CDC42BPB: variants seen among roughly 807,000 people sequenced by gnomAD.
CDC42BPB encodes serine/threonine-protein kinase MRCK beta.
CDC42BPB carries 37 observed loss-of-function variants against 214.9 expected under a neutral mutation model. The observed-to-expected ratio is 0.17, with a 90% CI of 0.13 to 0.23. The LOEUF is 0.23. CDC42BPB is among the 10% of genes least tolerant of loss of function. The pLI, the probability that CDC42BPB is intolerant of heterozygous loss-of-function variation, is 1.00. For synonymous variants in CDC42BPB, 931 were observed against 884.0 expected (o/e 1.05, Z -0.94); for missense variants, 1,694 against 2,227.0 (o/e 0.76, Z 4.82).
rs1430635208 is a variant in CDC42BPB at position 102,932,878 on chromosome 14, G to GGC, written c.*833_*834insGC. 7.6e-6 allele frequency: 1 copy of GGC among 131,148 alleles called. No individual in the cohort carries two copies. Among genetic ancestry groups the GGC allele is most frequent in the African/African-American group, 2.9e-5 (1 of 33,976 alleles). The allele number at this position is 131,148 out of a possible 1,614,324, so 8.1% of individuals were successfully genotyped here. A position where few individuals can be genotyped will look rare whatever the true frequency, so the allele number is the denominator to read the frequency against. ...CTCCATGCGGGGGCAGGACTGGTGG[G>GGC]GGGGGGGGCGGGCAGGGCGGGGCGG... On this transcript the variant is annotated 3_prime_UTR_variant, in exon 37 of 37. Transcript: ENST00000361246.
At chr14:103,047,579 A>T (rs750776753) in intron 1 of CDC42BPB, among the ~76,000 whole-genome samples, 2 of 152,184 alleles carry the variant, frequency 1.3e-5, no homozygotes, top group Non-Finnish European at 2.9e-5. Flanking sequence ...TTCTGTACGC[A>T]GGCAAAGTGC....
intron 19 of CDC42BPB, 162 bp from the exon 20 acceptor site, chr14:102,963,317 C>T (rs1215068638): frequency 1.0e-6 from 1 of 980,750 alleles, no homozygotes; most frequent in African/African-American, 1.7e-5. Context: ...ACACCATGAA[C>T]AGTACGAATA....
At chr14:102,964,847 TA>T (rs1416548486) in intron 18 of CDC42BPB, 197 bp from the exon 19 acceptor site, 1 of 744,254 alleles carries the variant, frequency 1.3e-6, no homozygotes, top group African/African-American at 1.9e-5. Context: ...AGAAATCTTC[TA>T]AAAAATAACT....
chr14:102,933,512 A>T lies in CDC42BPB; in HGVS notation c.*200T>A. On this transcript the variant is annotated 3_prime_UTR_variant, in exon 37 of 37. Coordinates refer to ENST00000361246, the MANE Select transcript of CDC42BPB (RefSeq NM_006035.4). Reference sequence around the variant, plus strand: ...GAACAGCATCGCCTCACAGCTGTGCAGACGAACAGATGTGGTCTACTGCCA... The same window carrying T: ...GAACAGCATCGCCTCACAGCTGTGCTGACGAACAGATGTGGTCTACTGCCA... 4.3e-6 allele frequency: 2 copies of T among 468,552 alleles called. No individual in the cohort carries two copies. Among genetic ancestry groups the T allele is most frequent in the East Asian group, 3.6e-5 (1 of 27,934 alleles). The allele number at this position is 468,552 out of a possible 1,614,324, so 29.0% of individuals were successfully genotyped here.
intron 1 of CDC42BPB, among the ~76,000 whole-genome samples, chr14:103,018,403 T>C (rs1325889639): frequency 6.6e-6 from 1 of 152,294 alleles, no homozygotes; most frequent in Non-Finnish European, 1.5e-5. Context: ...TTGTTGCTAT[T>C]TGGAAAACTT....
At chr14:103,008,813 G>A (rs557209749) in intron 2 of CDC42BPB, 129 of 290,844 alleles carry the variant, frequency 4.4e-4, no homozygotes, top group African/African-American at 2.9e-3. Flanking sequence ...CACCACTACA[G>A]GAGGTTAATG....
intron 1 of CDC42BPB, among the ~76,000 whole-genome samples, chr14:103,017,444 T>C (rs1015551954): frequency 6.6e-6 from 1 of 151,994 alleles, no homozygotes; most frequent in Non-Finnish European, 1.5e-5. Context: ...AAAATACCTA[T>C]CAATTACGCA....
rs1250571758 is a variant in CDC42BPB at position 102,946,545 on chromosome 14, T to C, written c.3671A>G (p.Gln1224Arg). The C allele has an allele frequency of 6.2e-7, 1 of 1,612,804 alleles. No individual in the cohort carries two copies. Among genetic ancestry groups the C allele is most frequent in the Admixed American group, 1.7e-5 (1 of 60,022 alleles). ...GGCTTCCAAGGGAACATGCACGACC[T>C]GATTCCTCAGCCGGTTTTTATGAAG... ...SILHKNRLRN[Q>R]VVHVPLEAYD... The change falls in exon 28 of 37, where the codon CAG becomes CGG. Residue 1224 changes from glutamine (Q) to arginine (R), a missense_variant. Transcript: ENST00000361246.
intron 5 of CDC42BPB, among the ~76,000 whole-genome samples, chr14:102,998,460 C>T (rs1894838033): frequency 1.3e-5 from 2 of 152,170 alleles, no homozygotes; most frequent in Admixed American, 1.3e-4. Flanking sequence ...AACCTATTAC[C>T]ATAAAATTAT....
At chr14:102,998,045 T>C (rs1330619334) in intron 5 of CDC42BPB, among the ~76,000 whole-genome samples, 1 of 152,154 alleles carries the variant, frequency 6.6e-6, no homozygotes, top group Non-Finnish European at 1.5e-5. Flanking sequence ...GGAGAATCTC[T>C]TGAACCCAGG....
chr14:102,999,333 C>T lies in CDC42BPB; in HGVS notation c.596+232G>A, dbSNP rs142795109. On this transcript the variant is annotated intron_variant, in intron 5 of 36. Transcript: ENST00000361246. Reference sequence around the variant, plus strand: ...AATGTCAAATAAATATCAAAAGACACAGTGGCTTCGGCTGACAGCAGACCA... The same window carrying T: ...AATGTCAAATAAATATCAAAAGACATAGTGGCTTCGGCTGACAGCAGACCA... Among the ~76,000 whole-genome samples the T allele has an allele frequency of 9.9e-5, 15 of 152,176 alleles. No individual in the cohort carries two copies. In the South Asian group the frequency reaches 2.7e-3, roughly 27 times the overall value.
intron 20 of CDC42BPB, among the ~76,000 whole-genome samples, chr14:102,961,322 T>G (rs899175981): frequency 1.3e-5 from 2 of 152,024 alleles, no homozygotes; most frequent in Non-Finnish European, 2.9e-5. Context: ...CACAAAAAAT[T>G]TTGAAAACCA....
At chr14:103,016,228 GA>G (rs1286238940) in intron 1 of CDC42BPB, among the ~76,000 whole-genome samples, 4 of 152,244 alleles carry the variant, frequency 2.6e-5, no homozygotes, top group African/African-American at 9.6e-5. Flanking sequence ...CTGGCGTGGG[GA>G]AAACTCCAAA....
chr14:102,953,157 C>T (rs540665470), intron 23 of CDC42BPB, among the ~76,000 whole-genome samples: 18 of 152,362 alleles, frequency 1.2e-4, no homozygotes, highest in Non-Finnish European at 2.6e-4. Context: ...GCAGGCCATG[C>T]GGGACCGCCT....
At chr14:102,982,627 C>A (rs1479412768) in intron 7 of CDC42BPB, among the ~76,000 whole-genome samples, 1 of 152,150 alleles carries the variant, frequency 6.6e-6, no homozygotes, top group Non-Finnish European at 1.5e-5. Context: ...AAAAATTAGC[C>A]AGGTGTTGTG....
At chr14:102,961,295 A>C (rs538519717) in intron 20 of CDC42BPB, among the ~76,000 whole-genome samples, 1 of 152,326 alleles carries the variant, frequency 6.6e-6, no homozygotes, top group African/African-American at 2.4e-5. Context: ...AAAAGGAAGA[A>C]GACTGAAAAC....
At chr14:103,017,846 A>G (rs1185201072) in intron 1 of CDC42BPB, among the ~76,000 whole-genome samples, 1 of 152,222 alleles carries the variant, frequency 6.6e-6, no homozygotes, top group Admixed American at 6.5e-5. Context: ...TGGAATCTGA[A>G]GGTTAGATAC....
intron 9 of CDC42BPB, among the ~76,000 whole-genome samples, chr14:102,977,704 G>C: frequency 6.6e-6 from 1 of 152,216 alleles, no homozygotes; most frequent in Non-Finnish European, 1.5e-5. Flanking sequence ...AGCTAACCCT[G>C]CCAATGCTGG....
chr14:103,022,449 C>T (rs1411441912), intron 1 of CDC42BPB, among the ~76,000 whole-genome samples: 1 of 152,154 alleles, frequency 6.6e-6, no homozygotes, highest in Non-Finnish European at 1.5e-5. Context: ...GCAGCCTCCA[C>T]CTCCTGGGCT....
Sources: gnomAD v4.1 joint callset for allele counts (sites outside exome capture counted in the v4.1 genomes callset) on GRCh38, gnomAD v4.1.1 for gene constraint, MANE v1.5 for transcripts, NCBI Gene and HGNC (gene_info 2026-07-23, HGNC 2026-07-21) for gene names.